ZC3H7B: variants seen among roughly 807,000 people sequenced by gnomAD.
ZC3H7B encodes zinc finger CCCH domain-containing protein 7B.
ZC3H7B carries 35 observed loss-of-function variants against 116.0 expected under a neutral mutation model. That is an observed-to-expected ratio of 0.30 (90% CI 0.23 to 0.40). The LOEUF is 0.40. ZC3H7B is among the 10% of genes least tolerant of loss of function. The pLI, the probability that ZC3H7B is intolerant of heterozygous loss-of-function variation, is 1.00. For synonymous variants in ZC3H7B, 502 were observed against 545.6 expected (o/e 0.92, Z 1.11); for missense variants, 1,011 against 1,321.5 (o/e 0.77, Z 3.64).
chr22:41,354,988 G>A (rs1370606055), intron 17 of ZC3H7B, among the ~76,000 whole-genome samples: 5 of 152,190 alleles, frequency 3.3e-5, no homozygotes, highest in Non-Finnish European at 1.5e-5. Flanking sequence ...AGACGGGTGA[G>A]TCGGTCAACA....
rs2036484174 is a variant in ZC3H7B, at chr22:41,339,140, C to G, written c.765C>G (p.Phe255Leu). Residue 255 changes from phenylalanine (F) to leucine (L), a missense_variant, in exon 9 of 23, where the codon TTC becomes TTG. Coordinates refer to ENST00000352645, the MANE Select transcript of ZC3H7B (RefSeq NM_017590.6). ...CCAGCACCGACAGCCTGGATGACTT[C>G]TCAGACGGGGATGTCTTTGGCCCAG... ...TLPSTDSLDD[F>L]SDGDVFGPEL... 2 of 1,613,304 alleles carry G rather than the reference C, an allele frequency of 1.2e-6. No individual in the cohort carries two copies. The highest frequency in any genetic ancestry group is 1.7e-6 in the Non-Finnish European group (2 of 1,179,690).
Position 41,350,438 on chromosome 22 carries a change from G to A in ZC3H7B, c.1949-1123G>A, listed in dbSNP as rs547320919. On this transcript the variant is annotated intron_variant, in intron 16 of 22. Transcript: ENST00000352645. ...TCACTCTGGCTGCTGGGTGGAGATC[G>A]AGGAGCAAGGGCAGAAGCCGGGAGA... is the stretch of plus-strand genomic sequence containing the variant. Among the ~76,000 whole-genome samples, 24 of 138,086 alleles carry A rather than the reference G, an allele frequency of 1.7e-4. No individual in the cohort carries two copies. In the East Asian group the frequency reaches 2.4e-3, roughly 14 times the overall value. 90.6% of individuals were successfully genotyped at this position (138,086 alleles called of 152,430 possible).
chr22:41,314,035 G>A (rs1344126830), intron 1 of ZC3H7B, among the ~76,000 whole-genome samples: 2 of 151,676 alleles, frequency 1.3e-5, no homozygotes, highest in Non-Finnish European at 2.9e-5. Flanking sequence ...GATTATAGGC[G>A]TCAGCTACCG....
intron 1 of ZC3H7B, among the ~76,000 whole-genome samples, chr22:41,313,758 T>G (rs988719818): frequency 1.3e-5 from 2 of 152,102 alleles, no homozygotes; most frequent in Non-Finnish European, 1.5e-5. Context: ...TGATTTTGTT[T>G]TTGAGACAGA....
intron 11 of ZC3H7B, 110 bp from the exon 12 acceptor site, chr22:41,342,419 G>A: frequency 1.0e-6 from 1 of 977,072 alleles, no homozygotes; most frequent in South Asian, 1.4e-5. Context: ...TTTTGCTCTT[G>A]GGTAGGATAG....
chr22:41,337,994 A>G (rs1677092103), intron 7 of ZC3H7B, among the ~76,000 whole-genome samples: 1 of 151,832 alleles, frequency 6.6e-6, no homozygotes, highest in Admixed American at 6.6e-5. Context: ...CAGCCTCCCA[A>G]GTAGCTGGGG....
Position 41,340,072 on chromosome 22 carries a change from G to T in ZC3H7B, c.1073G>T (p.Arg358Leu). ...PLDLLPYSET[R>L]LDALDSFGST... is the part of the protein sequence containing the mutation. ...GACCTGCTGCCGTACTCGGAGACCCGGCTGGATGCACTCGACAGCTTTGGG... is the reference window on the plus strand; with the variant it reads ...GACCTGCTGCCGTACTCGGAGACCCTGCTGGATGCACTCGACAGCTTTGGG... The change falls in exon 10 of 23, where the codon CGG becomes CTG. Residue 358 changes from arginine (R) to leucine (L), a missense_variant. Physicochemically the swap from Arg to Leu is moderately radical, Grantham distance 102. This residue lies in a region of ZC3H7B where 99 missense variants were observed against 89.5 expected (regional missense o/e 1.11). Coordinates refer to ENST00000352645, the MANE Select transcript of ZC3H7B (RefSeq NM_017590.6). 1.9e-6 allele frequency: 3 copies of T among 1,612,018 alleles called. No homozygotes were observed. In the South Asian group the frequency reaches 3.3e-5, roughly 18 times the overall value.
Position 41,339,877 on chromosome 22 carries a change from C to A in ZC3H7B, c.878C>A (p.Pro293His). ...GVPSELPQLI[P>H]VFPGGTPLLP... ...CCTAGTGAGTTGCCCCAGCTGATAC[C>A]CGTGTTCCCCGGCGGGACCCCACTG... Residue 293 changes from proline (P) to histidine (H), a missense_variant, in exon 10 of 23, where the codon CCC becomes CAC. Coordinates refer to ENST00000352645, the MANE Select transcript of ZC3H7B (RefSeq NM_017590.6). 1.9e-6 allele frequency: 3 copies of A among 1,613,606 alleles called. No individual in the cohort carries two copies. The highest frequency in any genetic ancestry group is 1.7e-6 in the Non-Finnish European group (2 of 1,179,848).
In ZC3H7B at chr22:41,348,152, G is replaced by T. The variant is rs1226550033; in HGVS notation, c.1751G>T (p.Ser584Ile). Residue 584 changes from serine (S) to isoleucine (I), a missense_variant, in exon 15 of 23, where the codon AGC becomes ATC. This residue lies in a region of ZC3H7B where 406 missense variants were observed against 590.2 expected (regional missense o/e 0.69). Transcript: ENST00000352645. ...SVCSNLAAKH[S>I]FYNNKCLVHI... is the part of the protein sequence containing the mutation. ...TGCTCCAACCTGGCTGCCAAGCACA[G>T]CTTCTACAACAACAAGTGAGTGGGA... 6.2e-7 allele frequency: 1 copy of T among 1,613,886 alleles called. No individual in the cohort carries two copies.
intron 1 of ZC3H7B, among the ~76,000 whole-genome samples, chr22:41,303,844 G>A (rs894472061): frequency 6.6e-5 from 10 of 151,984 alleles, no homozygotes; most frequent in African/African-American, 2.2e-4. Flanking sequence ...TGCAAGCTCC[G>A]CCTCCCGGGT....
At chr22:41,331,486 C>T (rs935686608) in intron 6 of ZC3H7B, among the ~76,000 whole-genome samples, 6 of 139,122 alleles carry the variant, frequency 4.3e-5, no homozygotes, top group African/African-American at 8.2e-5. Flanking sequence ...ACCCAGGAGG[C>T]GGGACTTGCA....
chr22:41,336,393 G>A (rs926413579), intron 7 of ZC3H7B: 1 of 152,384 alleles, frequency 6.6e-6, no homozygotes, highest in African/African-American at 2.4e-5. Flanking sequence ...GCTGGGCGCG[G>A]TGGCTCACAC....
At chr22:41,308,507 T>C (rs2036075717) in intron 1 of ZC3H7B, among the ~76,000 whole-genome samples, 1 of 152,338 alleles carries the variant, frequency 6.6e-6, no homozygotes, top group South Asian at 2.1e-4. Context: ...GTTATGATCA[T>C]TTAATAGCCT....
At chr22:41,316,248 C>T (rs2036181751) in intron 1 of ZC3H7B, among the ~76,000 whole-genome samples, 1 of 151,952 alleles carries the variant, frequency 6.6e-6, no homozygotes, top group Admixed American at 6.6e-5. Context: ...CAACCTTGGC[C>T]TCCCAAAGTG....
intron 21 of ZC3H7B, 63 bp downstream of exon 21, chr22:41,356,539 G>A (rs1242393403): frequency 6.2e-7 from 1 of 1,610,428 alleles, no homozygotes; most frequent in Admixed American, 1.7e-5. Flanking sequence ...CCTCACCTGG[G>A]AGGGGCAGCC....
chr22:41,334,633 C>T (rs2036420317), intron 7 of ZC3H7B: 1 of 152,370 alleles, frequency 6.6e-6, no homozygotes, highest in African/African-American at 2.4e-5. Context: ...GTACAGCACA[C>T]ATGTGAGCAC....
At chr22:41,310,580 A>C (rs977559719) in intron 1 of ZC3H7B, among the ~76,000 whole-genome samples, 13 of 152,230 alleles carry the variant, frequency 8.5e-5, no homozygotes, top group African/African-American at 2.9e-4. Context: ...AGGAGCAGTG[A>C]CTACTTAACT....
chr22:41,306,652 G>A (rs912790746), intron 1 of ZC3H7B, among the ~76,000 whole-genome samples: 4 of 152,180 alleles, frequency 2.6e-5, no homozygotes, highest in Admixed American at 6.5e-5. Flanking sequence ...TTACAGGCGT[G>A]AGCCACTGCA....
In ZC3H7B at chr22:41,358,910, G is replaced by C. The variant is rs1392332572; in HGVS notation, c.*1481G>C. On this transcript the variant is annotated 3_prime_UTR_variant, in exon 23 of 23. Coordinates refer to ENST00000352645, the MANE Select transcript of ZC3H7B (RefSeq NM_017590.6). ...AAGGAACCAGGGATTAGGCTGTAGG[G>C]GGGTGAGAAGGAGAGAAGGGACCAC... 6.5e-6 allele frequency: 1 copy of C among 154,736 alleles called. No individual in the cohort carries two copies. Among genetic ancestry groups the C allele is most frequent in the Non-Finnish European group, 1.5e-5 (1 of 68,256 alleles). The allele number at this position is 154,736 out of a possible 1,614,324, so 9.6% of individuals were successfully genotyped here.
Sources: gnomAD v4.1 joint callset for allele counts (sites outside exome capture counted in the v4.1 genomes callset) on GRCh38, gnomAD v4.1.1 for gene constraint, gnomAD v4.1.1 regional missense constraint, MANE v1.5 for transcripts, NCBI Gene and HGNC (gene_info 2026-07-23, HGNC 2026-07-21) for gene names.